Variants in COMMD10 observed in about 807,000 individuals in gnomAD.
The protein encoded by COMMD10 is COMM domain-containing protein 10.
In COMMD10, 33 loss-of-function variants were observed where a neutral mutation model predicts 28.9. That is an observed-to-expected ratio of 1.14 (90% CI 0.87 to 1.53). The LOEUF (loss-of-function observed/expected upper bound fraction) is 1.53, where lower values mean the gene tolerates loss of function less well. Ranked by LOEUF, COMMD10 falls within the 40% of genes most tolerant of loss-of-function variation. COMMD10 has a pLI of 0.00. For missense variants in COMMD10, 310 were observed against 233.4 expected (o/e 1.33, Z -2.14); for synonymous variants, 110 against 81.7 (o/e 1.35, Z -1.87).
At chr5:116,178,897 A>G (rs540632703) in intron 5 of COMMD10, among the ~76,000 whole-genome samples, 1 of 152,252 alleles carries the variant, frequency 6.6e-6, no homozygotes, top group East Asian at 1.9e-4. Flanking sequence ...AACATTGTAT[A>G]CCTTAATTAT....
chr5:116,209,706 G>C (rs543126928), intron 5 of COMMD10, among the ~76,000 whole-genome samples: 234 of 152,156 alleles, frequency 1.5e-3, no homozygotes, highest in African/African-American at 5.4e-3. Flanking sequence ...TAGCGTGCTT[G>C]TTAAAGTATT....
chr5:116,186,761 C>G (rs1046045895), intron 5 of COMMD10, among the ~76,000 whole-genome samples: 54 of 152,112 alleles, frequency 3.6e-4, no homozygotes, highest in Non-Finnish European at 5.4e-4. Context: ...GTAGCTTTTC[C>G]CAGTTCAGTG....
intron 5 of COMMD10, among the ~76,000 whole-genome samples, chr5:116,164,015 T>C (rs1395809297): frequency 1.3e-5 from 2 of 152,146 alleles, no homozygotes; most frequent in Non-Finnish European, 2.9e-5. Context: ...CTATTTTCCT[T>C]AGTCAATATA....
intron 5 of COMMD10, among the ~76,000 whole-genome samples, chr5:116,242,058 T>G (rs532187115): frequency 6.6e-6 from 1 of 152,302 alleles, no homozygotes; most frequent in South Asian, 2.1e-4. Context: ...CCCTGAGTTA[T>G]CTCCTAAGGT....
At chr5:116,283,230 A>G (rs1751121818) in intron 5 of COMMD10, among the ~76,000 whole-genome samples, 1 of 151,976 alleles carries the variant, frequency 6.6e-6, no homozygotes. Flanking sequence ...TGACAGCAAT[A>G]AAACAAAAAC....
chr5:116,261,751 A>G (rs1398342155), intron 5 of COMMD10, among the ~76,000 whole-genome samples: 1 of 151,650 alleles, frequency 6.6e-6, no homozygotes, highest in Non-Finnish European at 1.5e-5. Context: ...TTCACTTATC[A>G]ACTTAAACTG....
intron 5 of COMMD10, among the ~76,000 whole-genome samples, chr5:116,262,588 G>A (rs779928765): frequency 7.2e-5 from 11 of 151,742 alleles, no homozygotes; most frequent in Non-Finnish European, 1.3e-4. Flanking sequence ...ATGTTTAAAT[G>A]TGTAAGTCTA....
At chr5:116,190,282 A>G (rs920551906) in intron 5 of COMMD10, among the ~76,000 whole-genome samples, 1 of 152,204 alleles carries the variant, frequency 6.6e-6, no homozygotes, top group African/African-American at 2.4e-5. Flanking sequence ...AACTTTTATA[A>G]TTAGGAACTG....
intron 5 of COMMD10, among the ~76,000 whole-genome samples, chr5:116,204,839 C>T (rs983009576): frequency 6.6e-6 from 1 of 152,114 alleles, no homozygotes; most frequent in African/African-American, 2.4e-5. Flanking sequence ...TCAACTAGAG[C>T]TCAATTTTTC....
Position 116,127,421 on chromosome 5 carries a change from A to G in COMMD10, c.400-6647A>G, listed in dbSNP as rs1375025296. On this transcript the variant is annotated intron_variant, in intron 4 of 6. Coordinates refer to ENST00000274458, the MANE Select transcript of COMMD10 (RefSeq NM_016144.4). ...TACCATGTGACCCAGCCATCCCATT[A>G]CTAGGTATATACCCAAAGGATTATA... is the stretch of plus-strand genomic sequence containing the variant. Among the ~76,000 whole-genome samples the G allele has an allele frequency of 3.9e-5, 6 of 152,350 alleles. No homozygotes were observed. In the East Asian group the frequency reaches 1.2e-3, roughly 29 times the overall value.
chr5:116,123,980 A>T (rs1751530072), intron 4 of COMMD10, among the ~76,000 whole-genome samples: 2 of 151,380 alleles, frequency 1.3e-5, no homozygotes, highest in Admixed American at 1.3e-4. Flanking sequence ...TAATCTTGCC[A>T]GCAGTCTATC....
At chr5:116,092,236 T>G (rs1750320315) in intron 3 of COMMD10, among the ~76,000 whole-genome samples, 1 of 152,220 alleles carries the variant, frequency 6.6e-6, no homozygotes, top group Non-Finnish European at 1.5e-5. Flanking sequence ...GAAATTTTAA[T>G]TAGGGTACCA....
intron 5 of COMMD10, among the ~76,000 whole-genome samples, chr5:116,288,704 TA>T (rs998168316): frequency 6.6e-6 from 1 of 151,690 alleles, no homozygotes; most frequent in African/African-American, 2.4e-5. Context: ...TCATTCTGCC[TA>T]AAACTGTTGT....
At position 116,139,937 on chromosome 5, in the gene COMMD10, G is replaced by A. The variant is rs550333624; in HGVS notation, c.510+5759G>A. On this transcript the variant is annotated intron_variant, in intron 5 of 6. Transcript: ENST00000274458. ...TTTTCCTAGCAAAATTTCAGTTTAC[G>A]ATACAATATCATTAATTATAGTCCT... Among the ~76,000 whole-genome samples, 4 of 151,610 alleles carry A rather than the reference G, an allele frequency of 2.6e-5. No individual in the cohort carries two copies. In the South Asian group the frequency reaches 8.3e-4, roughly 32 times the overall value.
intron 1 of COMMD10, 120 bp downstream of exon 1, chr5:116,085,213 G>A (rs1750050232): frequency 3.2e-5 from 23 of 713,670 alleles, no homozygotes; most frequent in East Asian, 5.8e-5. Flanking sequence ...TGAGTGGGGT[G>A]GGGTGGGGTG....
chr5:116,283,264 C>G lies in COMMD10; in HGVS notation c.511-8253C>G, dbSNP rs1751122507. 4.6e-5 allele frequency among the ~76,000 whole-genome samples: 7 copies of G among 151,846 alleles called. No homozygotes were observed. In the South Asian group the frequency reaches 1.5e-3, roughly 32 times the overall value. ...ACTCTACCTTATTTACTGACTTCAT[C>G]TTTATGTTTTAAAACTTATTCATTT... On this transcript the variant is annotated intron_variant, in intron 5 of 6. Coordinates refer to ENST00000274458, the MANE Select transcript of COMMD10 (RefSeq NM_016144.4).
chr5:116,292,103 A>G (rs569341861), intron 6 of COMMD10, among the ~76,000 whole-genome samples: 2 of 151,774 alleles, frequency 1.3e-5, no homozygotes, highest in South Asian at 4.2e-4. Context: ...CCACCACTGT[A>G]CCCACTCCCT....
intron 5 of COMMD10, among the ~76,000 whole-genome samples, chr5:116,204,991 G>A (rs1330764064): frequency 3.3e-5 from 5 of 152,200 alleles, no homozygotes; most frequent in African/African-American, 1.2e-4. Context: ...AGTTAAAGGT[G>A]CATGATAAAA....
At chr5:116,124,556 G>T (rs1363597533) in intron 4 of COMMD10, among the ~76,000 whole-genome samples, 1 of 152,148 alleles carries the variant, frequency 6.6e-6, no homozygotes. Flanking sequence ...TTGATTTGGG[G>T]TGGAGAGTTC....
Sources: gnomAD v4.1 joint callset for allele counts (sites outside exome capture counted in the v4.1 genomes callset) on GRCh38, gnomAD v4.1.1 for gene constraint, MANE v1.5 for transcripts, NCBI Gene and HGNC (gene_info 2026-07-23, HGNC 2026-07-21) for gene names.